The following PARD3B variants were observed in gnomAD, a reference collection of about 807,000 sequenced individuals.
PARD3B encodes the protein par-3 family cell polarity regulator beta.
Under a neutral mutation model 130.2 loss-of-function variants are expected in PARD3B, and 103 were observed. The ratio of observed to expected loss-of-function variants is 0.79; its 90% CI spans 0.67 to 0.93. The LOEUF is 0.93. PARD3B is among the 40% of genes least tolerant of loss of function. The pLI, the probability that PARD3B is intolerant of heterozygous loss-of-function variation, is 0.00. For synonymous variants in PARD3B, 583 were observed against 553.2 expected, an observed-to-expected ratio of 1.05 and a Z score of -0.76; for missense variants, 1,609 against 1,499.2, an observed-to-expected ratio of 1.07 and a Z score of -1.21.
At chr2:204,551,240 A>G (rs1361991539) in intron 1 of PARD3B, among the ~76,000 whole-genome samples, 2 of 152,202 alleles carry the variant, frequency 1.3e-5, no homozygotes, top group African/African-American at 2.4e-5. Context: ...TTGAGATTTC[A>G]TGCAAAACTC....
rs562485351 is a variant in PARD3B at position 204,645,592 on chromosome 2, T to G, written c.121-40589T>G. Among the ~76,000 whole-genome samples the G allele has an allele frequency of 1.2e-3, 187 of 152,264 alleles. 3 individuals are homozygous for G. Among genetic ancestry groups the G allele is most frequent in the African/African-American group, 4.4e-3 (183 of 41,580 alleles). On this transcript the variant is annotated intron_variant, in intron 1 of 22. Transcript: ENST00000406610. ...TCATAAATGTTACTGTTCATCAGCC[T>G]GTCAGTTAGCTGTCAAGTTGTGGTG...
intron 6 of PARD3B, among the ~76,000 whole-genome samples, chr2:205,117,123 C>T (rs985371477): frequency 2.0e-5 from 3 of 152,138 alleles, no homozygotes; most frequent in Non-Finnish European, 4.4e-5. Context: ...ATTGTGAATC[C>T]ACCCTAACAA....
At chr2:205,134,515 C>A (rs1258596372) in intron 10 of PARD3B, among the ~76,000 whole-genome samples, 4 of 151,136 alleles carry the variant, frequency 2.6e-5, no homozygotes, top group Non-Finnish European at 1.5e-5. Context: ...CAGAGTGAGA[C>A]CCTGTCTCAA....
intron 2 of PARD3B, among the ~76,000 whole-genome samples, chr2:204,855,552 A>ATATAT (rs1553540279): frequency 5.6e-5 from 8 of 143,150 alleles, no homozygotes; most frequent in Non-Finnish European, 7.5e-5. Context: ...AAGAAAAAAA[A>ATATAT]ATATATATAT....
chr2:204,919,614 A>G (rs978711972), intron 2 of PARD3B, among the ~76,000 whole-genome samples: 6 of 152,200 alleles, frequency 3.9e-5, no homozygotes, highest in African/African-American at 1.4e-4. Context: ...ATTGTATGGA[A>G]TATTCCAAAA....
chr2:205,181,978 A>G (rs2035813427), intron 13 of PARD3B, among the ~76,000 whole-genome samples: 1 of 152,202 alleles, frequency 6.6e-6, no homozygotes, highest in Admixed American at 6.5e-5. Context: ...TCCTTACAGC[A>G]TCTGAATATG....
At chr2:204,932,789 G>T (rs1688125257) in intron 2 of PARD3B, among the ~76,000 whole-genome samples, 1 of 152,116 alleles carries the variant, frequency 6.6e-6, no homozygotes, top group Non-Finnish European at 1.5e-5. Context: ...TGACCCCAAA[G>T]AACTGTGGCT....
At chr2:205,598,435 T>C (rs183798286) in intron 22 of PARD3B, among the ~76,000 whole-genome samples, 2 of 151,836 alleles carry the variant, frequency 1.3e-5, no homozygotes, top group Admixed American at 1.3e-4. Context: ...TAAATACATA[T>C]ACTCCCAACA....
intron 20 of PARD3B, among the ~76,000 whole-genome samples, chr2:205,476,820 TC>T (rs1242565061): frequency 6.6e-6 from 1 of 152,182 alleles, no homozygotes; most frequent in Non-Finnish European, 1.5e-5. Context: ...GAAGAATTTA[TC>T]CCCTAATCAT....
Position 205,474,069 on chromosome 2 carries a change from G to A in PARD3B, c.3045-25827G>A, listed in dbSNP as rs1257676260. On this transcript the variant is annotated intron_variant, in intron 20 of 22. Transcript: ENST00000406610. Reference sequence around the variant, plus strand: ...TAGAGATGCTGAATCTGGTAGAAGAGAAAGCTTTCCTAAAACTACTCAGTT... The same window carrying A: ...TAGAGATGCTGAATCTGGTAGAAGAAAAAGCTTTCCTAAAACTACTCAGTT... 6.6e-5 allele frequency among the ~76,000 whole-genome samples: 10 copies of A among 151,960 alleles called. No homozygotes were observed. In the East Asian group the frequency reaches 1.7e-3, roughly 26 times the overall value.
intron 18 of PARD3B, among the ~76,000 whole-genome samples, chr2:205,387,313 C>T (rs2045695668): frequency 6.6e-6 from 1 of 152,178 alleles, no homozygotes; most frequent in Non-Finnish European, 1.5e-5. Flanking sequence ...ACTACCTCTC[C>T]TCCCTCTAAC....
chr2:205,381,397 G>C (rs1359550446), intron 18 of PARD3B, among the ~76,000 whole-genome samples: 1 of 150,842 alleles, frequency 6.6e-6, no homozygotes, highest in African/African-American at 2.4e-5. Flanking sequence ...TTCCATAATA[G>C]ATCTGCTAAT....
In PARD3B at chr2:205,241,619, T is replaced by C. The variant is rs2039356329; in HGVS notation, c.2141-4159T>C. On this transcript the variant is annotated intron_variant, in intron 15 of 22. Transcript: ENST00000406610. The surrounding 1 kb of genome is among the most constrained non-coding windows in gnomAD (Gnocchi z 4.2). ...AAGAAGAAAGAAAAGGAGAAAAAAT[T>C]CTGTCATCAGAACGAGAACAAGAAA... 6.6e-6 allele frequency among the ~76,000 whole-genome samples: 1 copy of C among 152,138 alleles called. No individual in the cohort carries two copies. The highest frequency in any genetic ancestry group is 2.1e-4 in the South Asian group (1 of 4,832).
chr2:205,135,935 T>G (rs934475154), intron 10 of PARD3B, among the ~76,000 whole-genome samples: 6 of 152,192 alleles, frequency 3.9e-5, no homozygotes, highest in African/African-American at 1.4e-4. Context: ...TTAAAAAGAA[T>G]GTTTTATCCC....
intron 2 of PARD3B, among the ~76,000 whole-genome samples, chr2:204,885,418 G>A (rs556671758): frequency 5.3e-4 from 81 of 152,268 alleles, no homozygotes; most frequent in African/African-American, 1.8e-3. Flanking sequence ...TTCCCATTCT[G>A]TAGGTTGTCT....
At chr2:205,210,134 G>A (rs1024291837) in intron 15 of PARD3B, among the ~76,000 whole-genome samples, 22 of 152,114 alleles carry the variant, frequency 1.4e-4, no homozygotes, top group Admixed American at 8.5e-4. Context: ...GAGAGGCTGC[G>A]TTGGGAGGAT....
chr2:204,990,986 CA>C (rs1354680528), intron 3 of PARD3B, among the ~76,000 whole-genome samples: 1 of 152,048 alleles, frequency 6.6e-6, no homozygotes, highest in African/African-American at 2.4e-5. Context: ...TACAGGAACA[CA>C]CAGCTATTAT....
At chr2:205,432,903 T>C (rs1390053364) in intron 19 of PARD3B, among the ~76,000 whole-genome samples, 1 of 152,198 alleles carries the variant, frequency 6.6e-6, no homozygotes. Context: ...GCCTTTGATG[T>C]TGACAATACA....
At chr2:204,559,657 A>T (rs1434655801) in intron 1 of PARD3B, among the ~76,000 whole-genome samples, 1 of 152,236 alleles carries the variant, frequency 6.6e-6, no homozygotes, top group East Asian at 1.9e-4. Context: ...AGAGCTAGAA[A>T]TATCATTTGA....
Sources: allele counts gnomAD v4.1 joint callset (sites outside exome capture counted in the v4.1 genomes callset), GRCh38; gene constraint gnomAD v4.1.1; non-coding constraint Gnocchi (gnomAD v3.1); transcripts MANE v1.5; gene names NCBI Gene and HGNC (gene_info 2026-07-23, HGNC 2026-07-21).